Variants in RAB20 observed in about 807,000 individuals in gnomAD.
The protein encoded by RAB20 is RAB20, member RAS oncogene family.
In RAB20, 2 loss-of-function variants were observed where a neutral mutation model predicts 3.7. The observed-to-expected ratio is 0.54, with a 90% CI of 0.22 to 1.69. The LOEUF (loss-of-function observed/expected upper bound fraction) is 1.69, where lower values mean the gene tolerates loss of function less well. Ranked by LOEUF, RAB20 falls within the 40% of genes most tolerant of loss-of-function variation. The pLI, the probability that RAB20 is intolerant of heterozygous loss-of-function variation, is 0.19. For missense variants in RAB20, 276 were observed against 311.9 expected (o/e 0.88, Z 0.87); for synonymous variants, 126 against 130.8 (o/e 0.96, Z 0.25).
chr13:110,538,694 C>T (rs1237776538), intron 1 of RAB20, among the ~76,000 whole-genome samples: 2 of 151,630 alleles, frequency 1.3e-5, no homozygotes, highest in African/African-American at 4.8e-5. Flanking sequence ...GCATCAAGAG[C>T]AAAATGCCTG....
intron 1 of RAB20, among the ~76,000 whole-genome samples, chr13:110,529,786 GT>G (rs1298376453): frequency 6.6e-6 from 1 of 152,144 alleles, no homozygotes; most frequent in Admixed American, 6.5e-5. Context: ...TGCCTGGGCT[GT>G]CTCCAGGCCA....
chr13:110,561,337 G>A lies in RAB20; in HGVS notation c.172+11C>T, dbSNP rs367780002. ...CCCAGGGCGGTGTGGCTCATGCGGC[G>A]CCGGCCTCACCTGCGGTGTCCCAGA... On this transcript the variant is annotated intron_variant, in intron 1 of 1. Coordinates refer to ENST00000267328, the MANE Select transcript of RAB20 (RefSeq NM_017817.3). 4.7e-5 allele frequency: 74 copies of A among 1,586,714 alleles called. No homozygotes were observed. In the African/African-American group the frequency reaches 8.5e-4, roughly 18 times the overall value.
At chr13:110,534,549 G>A (rs1326567345) in intron 1 of RAB20, among the ~76,000 whole-genome samples, 2 of 152,212 alleles carry the variant, frequency 1.3e-5, no homozygotes, top group Non-Finnish European at 2.9e-5. Flanking sequence ...TGGCATGACA[G>A]GGGCTTTTCA....
intron 1 of RAB20, among the ~76,000 whole-genome samples, chr13:110,539,581 T>TG (rs2139581479): frequency 6.7e-6 from 1 of 148,586 alleles, no homozygotes; most frequent in African/African-American, 2.5e-5. Flanking sequence ...TTTTTTGAGA[T>TG]GGAGTCTCAC....
chr13:110,529,066 G>A (rs74124701), intron 1 of RAB20, among the ~76,000 whole-genome samples: 3 of 152,352 alleles, frequency 2.0e-5, no homozygotes, highest in East Asian at 1.9e-4. Flanking sequence ...GGCCAGTCCC[G>A]CAGGGAACAG....
rs145841468 is a variant in RAB20, at chr13:110,525,219, C to T, written c.173-1022G>A. ...AGTGTGGGGGAGTCAGGCATAGCAGCGCTAGAGGGAGGCTGGGCCAGGGCA... is the reference window on the plus strand; with the variant it reads ...AGTGTGGGGGAGTCAGGCATAGCAGTGCTAGAGGGAGGCTGGGCCAGGGCA... On this transcript the variant is annotated intron_variant, in intron 1 of 1. Coordinates refer to ENST00000267328, the MANE Select transcript of RAB20 (RefSeq NM_017817.3). Among the ~76,000 whole-genome samples the T allele has an allele frequency of 9.6e-4, 147 of 152,344 alleles. 2 individuals are homozygous for T. In the East Asian group the frequency reaches 0.028, roughly 29 times the overall value.
chr13:110,544,102 C>T (rs932785005), intron 1 of RAB20, among the ~76,000 whole-genome samples: 4 of 152,154 alleles, frequency 2.6e-5, no homozygotes, highest in African/African-American at 9.7e-5. Flanking sequence ...GGTCTGGTTT[C>T]GTTGTGCATA....
At chr13:110,536,353 A>G (rs1422555989) in intron 1 of RAB20, among the ~76,000 whole-genome samples, 2 of 152,184 alleles carry the variant, frequency 1.3e-5, no homozygotes, top group African/African-American at 4.8e-5. Flanking sequence ...CTACTAAAGC[A>G]TGGACTGGGC....
At chr13:110,550,499 A>G (rs1884935671) in intron 1 of RAB20, among the ~76,000 whole-genome samples, 1 of 152,108 alleles carries the variant, frequency 6.6e-6, no homozygotes, top group African/African-American at 2.4e-5. Context: ...GTGGTATGAG[A>G]CGCTACCTCC....
At chr13:110,532,484 C>A (rs888356364) in intron 1 of RAB20, among the ~76,000 whole-genome samples, 2 of 151,996 alleles carry the variant, frequency 1.3e-5, no homozygotes, top group African/African-American at 4.8e-5. Flanking sequence ...TCAAGCAATT[C>A]TCCTGCCTAA....
At chr13:110,532,943 A>G (rs2139577023) in intron 1 of RAB20, among the ~76,000 whole-genome samples, 1 of 152,370 alleles carries the variant, frequency 6.6e-6, no homozygotes, top group East Asian at 1.9e-4. Flanking sequence ...GGCCTCCCAA[A>G]GTGCTGGGGT....
At chr13:110,534,731 A>C (rs1884608325) in intron 1 of RAB20, among the ~76,000 whole-genome samples, 1 of 152,222 alleles carries the variant, frequency 6.6e-6, no homozygotes, top group South Asian at 2.1e-4. Flanking sequence ...ACTGGACCTC[A>C]TCATAAATGC....
chr13:110,524,386 C>T (rs191967719), intron 1 of RAB20, among the ~76,000 whole-genome samples, 189 bp from the exon 2 acceptor site: 2 of 152,180 alleles, frequency 1.3e-5, no homozygotes, highest in Non-Finnish European at 2.9e-5. Context: ...GGCAGCCCCT[C>T]GAGAAAACAA....
intron 1 of RAB20, among the ~76,000 whole-genome samples, chr13:110,549,880 A>C (rs1969889): frequency 0.38 from 57,528 of 151,920 alleles, 10,858 homozygotes; most frequent in East Asian, 0.49. Flanking sequence ...CGCGCCACCA[A>C]GCGCAGCTAA....
Position 110,536,741 on chromosome 13 carries a change from G to C in RAB20, c.173-12544C>G, listed in dbSNP as rs568033982. Among the ~76,000 whole-genome samples the C allele has an allele frequency of 1.6e-4, 19 of 116,846 alleles. 1 individual carries two copies. Among genetic ancestry groups the C allele is most frequent in the African/African-American group, 6.1e-4 (19 of 31,250 alleles). The allele number at this position is 116,846 out of a possible 152,430, so 76.7% of individuals were successfully genotyped here. A position where few individuals can be genotyped will look rare whatever the true frequency, so the allele number is the denominator to read the frequency against. The stretch of plus-strand genomic sequence containing the variant: ...TTTTTTGGGGCGGTGGGGGGGGGTT[G>C]TTTTTATGTTTATTTTACTTGTACT... On this transcript the variant is annotated intron_variant, in intron 1 of 1. Coordinates refer to ENST00000267328, the MANE Select transcript of RAB20 (RefSeq NM_017817.3).
intron 1 of RAB20, among the ~76,000 whole-genome samples, chr13:110,546,952 C>T (rs1884862392): frequency 6.6e-6 from 1 of 152,086 alleles, no homozygotes; most frequent in African/African-American, 2.4e-5. Flanking sequence ...GTTGCCTTGG[C>T]TGGTACCTAT....
chr13:110,529,722 C>T (rs1376319917), intron 1 of RAB20, among the ~76,000 whole-genome samples: 1 of 152,140 alleles, frequency 6.6e-6, no homozygotes, highest in East Asian at 1.9e-4. Flanking sequence ...GCTGGGGGCA[C>T]GGGTTCAAGC....
intron 1 of RAB20, among the ~76,000 whole-genome samples, chr13:110,529,422 G>C (rs1884491509): frequency 6.6e-6 from 1 of 152,116 alleles, no homozygotes; most frequent in Non-Finnish European, 1.5e-5. Context: ...TATCTCTATT[G>C]CCTTCTCCCC....
chr13:110,547,109 T>C (rs532041354), intron 1 of RAB20, among the ~76,000 whole-genome samples: 21 of 152,332 alleles, frequency 1.4e-4, no homozygotes, highest in Admixed American at 3.9e-4. Flanking sequence ...GTCAGAAGCC[T>C]GGAATGCCGC....
Sources: gnomAD v4.1 joint callset for allele counts (sites outside exome capture counted in the v4.1 genomes callset) on GRCh38, gnomAD v4.1.1 for gene constraint, MANE v1.5 for transcripts, NCBI Gene and HGNC (gene_info 2026-07-23, HGNC 2026-07-21) for gene names.